Variants in SEC22A observed in about 807,000 individuals in gnomAD.
SEC22A encodes vesicle-trafficking protein SEC22a.
A neutral mutation model predicts 35.3 loss-of-function variants in SEC22A; 22 were observed. That is an observed-to-expected ratio of 0.62 (90% CI 0.45 to 0.89). SEC22A has a LOEUF of 0.89. Among genes scored for constraint, SEC22A ranks in the 40% least tolerant of loss-of-function variants. The probability of loss-of-function intolerance (pLI) is 0.00; values close to 1 mark genes in which losing one functional copy is unlikely to be tolerated. For missense variants in SEC22A, 354 were observed against 362.5 expected (o/e 0.98, Z 0.19); for synonymous variants, 119 against 129.5 (o/e 0.92, Z 0.55).
At chr3:123,241,914 T>C (rs1176205176) in intron 4 of SEC22A, among the ~76,000 whole-genome samples, 1 of 151,962 alleles carries the variant, frequency 6.6e-6, no homozygotes, top group East Asian at 1.9e-4. Flanking sequence ...TCTCACTTAT[T>C]TGTGAGATCT....
intron 4 of SEC22A, among the ~76,000 whole-genome samples, chr3:123,239,926 A>G (rs1449337216): frequency 2.0e-5 from 3 of 152,128 alleles, no homozygotes; most frequent in African/African-American, 7.2e-5. Flanking sequence ...AGGCAGGGTA[A>G]GGAGGTTTTA....
At chr3:123,247,557 T>C (rs1359147638) in intron 5 of SEC22A, among the ~76,000 whole-genome samples, 3 of 152,214 alleles carry the variant, frequency 2.0e-5, no homozygotes, top group Non-Finnish European at 4.4e-5. Flanking sequence ...GAAAGTAGTA[T>C]AAATTACAGC....
At chr3:123,242,362 C>T (rs1041343705) in intron 4 of SEC22A, among the ~76,000 whole-genome samples, 1 of 152,118 alleles carries the variant, frequency 6.6e-6, no homozygotes, top group African/African-American at 2.4e-5. Context: ...TTGCTCAGTA[C>T]TCTCATCTTT....
In SEC22A at chr3:123,237,272, A is replaced by G. The variant is rs1000212545; in HGVS notation, c.542-8627A>G. On this transcript the variant is annotated intron_variant, in intron 4 of 6. Transcript: ENST00000492595. The stretch of plus-strand genomic sequence containing the variant: ...ATATACTGATATCTTTATCAGGTAA[A>G]AGTAAAATGCTTCTGATTTTCTCTA... Among the ~76,000 whole-genome samples, 22 of 152,234 alleles carry G rather than the reference A, an allele frequency of 1.4e-4. 1 individual carries two copies. Among genetic ancestry groups the G allele is most frequent in the African/African-American group, 4.8e-4 (20 of 41,454 alleles).
chr3:123,213,760 A>C (rs935229031), intron 2 of SEC22A, among the ~76,000 whole-genome samples: 11 of 152,226 alleles, frequency 7.2e-5, no homozygotes, highest in Non-Finnish European at 1.3e-4. Flanking sequence ...CTTTCTTTAC[A>C]GAATCTCAAA....
intron 6 of SEC22A, among the ~76,000 whole-genome samples, chr3:123,263,359 A>G (rs1316014880): frequency 6.6e-6 from 1 of 152,188 alleles, no homozygotes; most frequent in Non-Finnish European, 1.5e-5. Context: ...AAGTGCTGAG[A>G]TCTCTTCCTC....
chr3:123,261,639 CTT>C (rs2108101529), intron 6 of SEC22A, among the ~76,000 whole-genome samples: 1 of 152,238 alleles, frequency 6.6e-6, no homozygotes. Flanking sequence ...GTTGCTTTGT[CTT>C]AAGTAATTGT....
At chr3:123,237,566 G>A (rs1223527347) in intron 4 of SEC22A, among the ~76,000 whole-genome samples, 1 of 152,174 alleles carries the variant, frequency 6.6e-6, no homozygotes, top group South Asian at 2.1e-4. Context: ...GATTGGGGGA[G>A]CTCAAAAACT....
intron 4 of SEC22A, among the ~76,000 whole-genome samples, chr3:123,238,856 T>A (rs1442826708): frequency 1.3e-5 from 2 of 152,214 alleles, no homozygotes; most frequent in African/African-American, 4.8e-5. Context: ...AAGGGTACTG[T>A]GTTCTGCTTT....
At chr3:123,208,714 T>C (rs1262832928) in intron 1 of SEC22A, 2 of 151,962 alleles carry the variant, frequency 1.3e-5, no homozygotes, top group Non-Finnish European at 2.9e-5. Flanking sequence ...AGCAAGATGC[T>C]GTCTCAAAAA....
chr3:123,238,750 G>T (rs1277926683), intron 4 of SEC22A, among the ~76,000 whole-genome samples: 1 of 151,424 alleles, frequency 6.6e-6, no homozygotes, highest in African/African-American at 2.4e-5. Context: ...CTAATCTTTT[G>T]ATCCTCTCCC....
chr3:123,251,033 G>A (rs1937607744), intron 5 of SEC22A, among the ~76,000 whole-genome samples: 1 of 151,604 alleles, frequency 6.6e-6, no homozygotes, highest in Non-Finnish European at 1.5e-5. Flanking sequence ...CAGAAAGAAA[G>A]ACAACTTTTG....
intron 5 of SEC22A, among the ~76,000 whole-genome samples, chr3:123,251,993 A>G (rs990201934): frequency 2.0e-5 from 3 of 152,234 alleles, no homozygotes; most frequent in Non-Finnish European, 4.4e-5. Context: ...AATGGACACA[A>G]TGATAAACTT....
rs766749706 is a variant in SEC22A at position 123,209,319 on chromosome 3, A to G, written c.102A>G (p.Arg34=). The change falls in exon 2 of 7, where the codon AGA becomes AGG. Residue 34 remains arginine, a synonymous_variant. Coordinates refer to ENST00000492595, the MANE Select transcript of SEC22A (RefSeq NM_012430.5). ...YEQSTGMQEC[R]KYFKMLSRKL... ...AAAGCACAGGAATGCAGGAGTGCAG[A>G]AAGTATTTTAAAATGCTTTCGAGGA... 33 of 1,613,946 alleles carry G rather than the reference A, an allele frequency of 2.0e-5. 1 individual carries two copies. The South Asian group carries it at 3.4e-4, about 17-fold the overall frequency.
chr3:123,248,064 T>A (rs1413588153), intron 5 of SEC22A, among the ~76,000 whole-genome samples: 4 of 152,160 alleles, frequency 2.6e-5, no homozygotes, highest in Non-Finnish European at 5.9e-5. Context: ...ATCCTCAATT[T>A]GATAAAGAAC....
intron 6 of SEC22A, among the ~76,000 whole-genome samples, chr3:123,260,847 T>A (rs1225078230): frequency 6.6e-6 from 1 of 150,738 alleles, no homozygotes; most frequent in Non-Finnish European, 1.5e-5. Flanking sequence ...TTCTTTTTTT[T>A]TTTTTTTTGA....
At chr3:123,232,822 C>G (rs79340911) in intron 4 of SEC22A, among the ~76,000 whole-genome samples, 3,244 of 152,158 alleles carry the variant, frequency 0.021, 109 homozygotes, top group African/African-American at 0.075. Flanking sequence ...TACAAGCAAA[C>G]CCAATCCAGC....
At chr3:123,204,935 T>G (rs1936824004) in intron 1 of SEC22A, 1 of 152,224 alleles carries the variant, frequency 6.6e-6, no homozygotes, top group South Asian at 2.1e-4. Flanking sequence ...TGGTTCTTCC[T>G]TGGGATTTTC....
intron 1 of SEC22A, among the ~76,000 whole-genome samples, chr3:123,205,287 A>G (rs759035532): frequency 2.0e-5 from 3 of 152,206 alleles, no homozygotes; most frequent in Non-Finnish European, 4.4e-5. Flanking sequence ...CCTAAGAAAA[A>G]TCTTATCTAT....
Sources: gnomAD v4.1 joint callset for allele counts (sites outside exome capture counted in the v4.1 genomes callset) on GRCh38, gnomAD v4.1.1 for gene constraint, MANE v1.5 for transcripts, NCBI Gene and HGNC (gene_info 2026-07-23, HGNC 2026-07-21) for gene names.